Variants in ATP10B observed in about 807,000 individuals in gnomAD.
ATP10B encodes the protein phospholipid-transporting ATPase VB.
A neutral mutation model predicts 141.2 loss-of-function variants in ATP10B; 122 were observed. The observed-to-expected ratio is 0.86, with a 90% CI of 0.75 to 1.00. The LOEUF (loss-of-function observed/expected upper bound fraction) is 1.00, where lower values mean the gene tolerates loss of function less well. Ranked by LOEUF, ATP10B falls within the 50% of genes least tolerant of loss-of-function variation. The pLI is 0.00. For missense variants in ATP10B, 1,876 were observed against 1,825.3 expected (o/e 1.03, Z -0.51); for synonymous variants, 685 against 692.0 (o/e 0.99, Z 0.16).
chr5:160,606,629 T>C, intron 19 of ATP10B, 136 bp downstream of exon 19: 1 of 856,286 alleles, frequency 1.2e-6, no homozygotes, highest in South Asian at 1.8e-5. Flanking sequence ...GATTGTCATT[T>C]TGAACTCTCT....
chr5:160,760,247 T>C (rs1561825572), intron 2 of ATP10B, among the ~76,000 whole-genome samples: 1 of 152,220 alleles, frequency 6.6e-6, no homozygotes. Flanking sequence ...AGCAGGCTTG[T>C]AGCTCAGCAA....
intron 3 of ATP10B, among the ~76,000 whole-genome samples, chr5:160,695,578 C>T (rs1294228905): frequency 6.6e-6 from 1 of 151,830 alleles, no homozygotes; most frequent in Non-Finnish European, 1.5e-5. Context: ...AGTTGCAAGT[C>T]TTCTGTGGCT....
At chr5:160,782,063 G>A (rs1031077961) in intron 2 of ATP10B, among the ~76,000 whole-genome samples, 3 of 152,142 alleles carry the variant, frequency 2.0e-5, no homozygotes, top group Non-Finnish European at 4.4e-5. Flanking sequence ...TAAGGAGATT[G>A]GGAAGATAAT....
At chr5:160,604,168 T>C in intron 19 of ATP10B, 127 bp from the exon 20 acceptor site, 1 of 716,354 alleles carries the variant, frequency 1.4e-6, no homozygotes, top group African/African-American at 1.7e-5. Context: ...CTATAGAAAG[T>C]CATTGCTATA....
rs765152938 is a variant in ATP10B at position 160,686,292 on chromosome 5, T to C, written c.276-19A>G. 6.5e-7 allele frequency: 1 copy of C among 1,548,822 alleles called. No individual in the cohort carries two copies. Among genetic ancestry groups the C allele is most frequent in the Admixed American group, 1.9e-5 (1 of 53,640 alleles). On this transcript the variant is annotated intron_variant, in intron 5 of 25. Transcript: ENST00000327245. ...AGCCCATCTGGAGGGGCAAGCGAAG[T>C]GTGAATAAACACTATGGAGAAGAAA...
intron 7 of ATP10B, among the ~76,000 whole-genome samples, chr5:160,650,544 A>G (rs1283848980): frequency 6.6e-6 from 1 of 152,194 alleles, no homozygotes; most frequent in East Asian, 1.9e-4. Context: ...AACAAGTTTA[A>G]TGGTGTCTAA....
the ATP10B span, among the ~76,000 whole-genome samples, chr5:160,897,543 CACAA>C: frequency 6.6e-6 from 1 of 152,044 alleles, no homozygotes; most frequent in African/African-American, 2.4e-5. Flanking sequence ...TAAGAGAGGA[CACAA>C]ACAAGTGGAA....
At position 160,797,952 on chromosome 5, in the gene ATP10B, A is replaced by AAAAG. The variant is rs1484107326; in HGVS notation, c.-575-12150_-575-12149insCTTT. Among the ~76,000 whole-genome samples, 106 of 46,008 alleles carry AAAAG rather than the reference A, an allele frequency of 2.3e-3. 1 individual carries two copies. The highest frequency in any genetic ancestry group is 9.5e-3 in the African/African-American group (103 of 10,802). 30.2% of individuals were successfully genotyped at this position (46,008 alleles called of 152,430 possible). A position where few individuals can be genotyped will look rare whatever the true frequency, so the allele number is the denominator to read the frequency against. ...AAAGAAAAGAAAAGAAAAAAAGAAA[A>AAAAG]AAAAAAAAAAAGAGAAAAGAAACAA... On this transcript the variant is annotated intron_variant, in intron 1 of 25. Transcript: ENST00000327245.
chr5:160,617,165 C>T (rs957212754), intron 16 of ATP10B, among the ~76,000 whole-genome samples: 1 of 152,190 alleles, frequency 6.6e-6, no homozygotes, highest in Non-Finnish European at 1.5e-5. Flanking sequence ...GAAATGTATG[C>T]CCATCATAGC....
At chr5:160,747,562 G>A (rs1767887752) in intron 2 of ATP10B, among the ~76,000 whole-genome samples, 1 of 152,170 alleles carries the variant, frequency 6.6e-6, no homozygotes, top group South Asian at 2.1e-4. Context: ...GCCAGGGGAA[G>A]ACAGAGGATA....
intron 23 of ATP10B, among the ~76,000 whole-genome samples, chr5:160,590,581 G>T (rs1218954337): frequency 6.6e-6 from 1 of 152,124 alleles, no homozygotes. Context: ...AGATAATGTA[G>T]TATCTCATTA....
At chr5:160,839,030 C>T (rs886360069) in intron 1 of ATP10B, among the ~76,000 whole-genome samples, 2 of 152,168 alleles carry the variant, frequency 1.3e-5, no homozygotes, top group Admixed American at 1.3e-4. Flanking sequence ...TAACTGTAAG[C>T]TTCCTAAGGC....
chr5:160,906,165 T>C, the ATP10B span, among the ~76,000 whole-genome samples: 3 of 152,304 alleles, frequency 2.0e-5, no homozygotes, highest in South Asian at 2.1e-4. Flanking sequence ...GAACTTACAA[T>C]GGATCAAGTA....
chr5:160,890,331 T>C, the ATP10B span, among the ~76,000 whole-genome samples: 1 of 152,242 alleles, frequency 6.6e-6, no homozygotes, highest in African/African-American at 2.4e-5. Context: ...CATTTTAACA[T>C]GTACAAATCG....
chr5:160,801,428 T>C (rs879782305), intron 1 of ATP10B, among the ~76,000 whole-genome samples: 2 of 152,168 alleles, frequency 1.3e-5, no homozygotes, highest in Non-Finnish European at 2.9e-5. Context: ...TGTCTGATTT[T>C]TCCTTTGCAG....
chr5:160,605,359 C>T (rs1757321452), intron 19 of ATP10B, among the ~76,000 whole-genome samples: 1 of 152,212 alleles, frequency 6.6e-6, no homozygotes. Flanking sequence ...GCATAATTTT[C>T]ATCTTCCCCA....
chr5:160,615,930 C>G lies in ATP10B; in HGVS notation c.2561G>C (p.Ser854Thr). The G allele has an allele frequency of 6.2e-7, 1 of 1,613,954 alleles. No individual in the cohort carries two copies. The change falls in exon 17 of 26, where the codon AGT (serine) becomes ACT (threonine). Residue 854 changes from serine (S) to threonine (T), a missense_variant. Ser to Thr is a moderately conservative substitution (Grantham distance 58). Coordinates refer to ENST00000327245, the MANE Select transcript of ATP10B (RefSeq NM_025153.3). The part of the protein sequence containing the change: ...VSEEDFRRWA[S>T]FRREAEASLD... ...GGATGCCTCAGCCTCACGCCGGAAA[C>G]TGGCCCATCTCCGGAAGTCCTCTTC...
intron 9 of ATP10B, among the ~76,000 whole-genome samples, chr5:160,643,039 A>AGTCTGGAGT (rs1311587748): frequency 1.3e-5 from 2 of 151,396 alleles, no homozygotes; most frequent in Non-Finnish European, 1.5e-5. Context: ...ATTGCTGGAG[A>AGTCTGGAGT]GTTCATTTTT....
chr5:160,786,906 C>A (rs776291633), intron 1 of ATP10B, among the ~76,000 whole-genome samples: 3 of 152,026 alleles, frequency 2.0e-5, no homozygotes, highest in South Asian at 2.1e-4. Flanking sequence ...TGGACAGCCT[C>A]GGCCTCCTCA....
Sources: allele counts gnomAD v4.1 joint callset (sites outside exome capture counted in the v4.1 genomes callset), GRCh38; gene constraint gnomAD v4.1.1; transcripts MANE v1.5; gene names NCBI Gene and HGNC (gene_info 2026-07-23, HGNC 2026-07-21).